Variants in CLCN4 observed in about 807,000 individuals in gnomAD.
CLCN4 encodes Cl-/H+ antiporter 4, also known as H(+)/Cl(-) exchange transporter 4.
Under a neutral mutation model 41.7 loss-of-function variants are expected in CLCN4, and 1 was observed. The ratio of observed to expected loss-of-function variants is 0.02; its 90% CI spans 0.01 to 0.11. The LOEUF is 0.11. Among genes scored for constraint, CLCN4 ranks in the 10% least tolerant of loss-of-function variants. The pLI is 1.00. For synonymous variants in CLCN4, 277 were observed against 285.8 expected, an observed-to-expected ratio of 0.97 and a Z score of 0.31; for missense variants, 287 against 661.0, an observed-to-expected ratio of 0.43 and a Z score of 6.20.
chrX:10,199,749 TTTTC>T (rs1924189411), intron 6 of CLCN4, among the ~76,000 whole-genome samples: 3 of 111,723 alleles, frequency 2.7e-5, no homozygotes, highest in Non-Finnish European at 3.8e-5. Context: ...TTCCTTTTCT[TTTTC>T]TTTCTTTCTT....
intron 11 of CLCN4, among the ~76,000 whole-genome samples, chrX:10,216,918 T>TATATATATATATAC (rs773265490): frequency 1.3e-4 from 5 of 38,927 alleles, no homozygotes; most frequent in African/African-American, 4.4e-4. Context: ...TATATATATA[T>TATATATATATATAC]ACACACACAC....
chrX:10,195,111 G>T lies in CLCN4; in HGVS notation c.432+13G>T. ...GAATCAGTCAGAGGTGGGTATTTGGGCAGGGTCCTGGCTGGGGACCCCTGC... is the reference window on the plus strand; with the variant it reads ...GAATCAGTCAGAGGTGGGTATTTGGTCAGGGTCCTGGCTGGGGACCCCTGC... On this transcript the variant is annotated intron_variant, in intron 5 of 12. Coordinates refer to ENST00000380833, the MANE Select transcript of CLCN4 (RefSeq NM_001830.4). 1 of 1,206,920 alleles carries T rather than the reference G, an allele frequency of 8.3e-7. No individual in the cohort carries two copies.
chrX:10,233,179 G>C (rs943574066), intron 12 of CLCN4, among the ~76,000 whole-genome samples: 28 of 112,128 alleles, frequency 2.5e-4, no homozygotes, highest in African/African-American at 7.5e-4. Context: ...ATTGCAGGTG[G>C]GCTCTGGACC....
chrX:10,236,667 T>C lies in CLCN4; in HGVS notation c.*3083T>C, dbSNP rs997204589. On this transcript the variant is annotated 3_prime_UTR_variant, in exon 13 of 13. Transcript: ENST00000380833. ...CAGAACTTCCATCCACTTTATCTGG[T>C]GATCTGATGAACAGCATGGGGACGT... 9.0e-6 allele frequency: 1 copy of C among 111,454 alleles called. No individual in the cohort carries two copies. Among genetic ancestry groups the C allele is most frequent in the Admixed American group, 9.5e-5 (1 of 10,489 alleles). The allele number at this position is 111,454 out of a possible 1,213,427, so 9.2% of individuals were successfully genotyped here.
chrX:10,194,063 A>G (rs895007544), intron 4 of CLCN4, among the ~76,000 whole-genome samples: 1 of 109,764 alleles, frequency 9.1e-6, no homozygotes, highest in African/African-American at 3.3e-5. Context: ...CCATGGAGGA[A>G]GGAGATGTAG....
In CLCN4 at chrX:10,203,996, T is replaced by G. The variant is rs765288590; in HGVS notation, c.556-2362T>G. On this transcript the variant is annotated intron_variant, in intron 6 of 12. Transcript: ENST00000380833. ...ACTGATTCACTTGGTGTCTAATTAA[T>G]CTGTGATTACAGGCTTGTAAGTTGC... Among the ~76,000 whole-genome samples the G allele has an allele frequency of 7.1e-5, 8 of 112,196 alleles. No homozygotes were observed. The South Asian group carries it at 3.0e-3, about 42-fold the overall frequency.
intron 12 of CLCN4, among the ~76,000 whole-genome samples, chrX:10,229,252 G>C (rs1465403471): frequency 9.0e-6 from 1 of 110,941 alleles, no homozygotes; most frequent in Non-Finnish European, 1.9e-5. Flanking sequence ...CTGCTTTCTT[G>C]AAATTAATTA....
At chrX:10,177,486 T>C (rs1437547432) in intron 2 of CLCN4, among the ~76,000 whole-genome samples, 2 of 111,711 alleles carry the variant, frequency 1.8e-5, no homozygotes, top group Admixed American at 9.5e-5. Context: ...CAGTAATCTA[T>C]AGTGTGAGGG....
intron 2 of CLCN4, among the ~76,000 whole-genome samples, chrX:10,166,039 A>G (rs181257773): frequency 8.9e-6 from 1 of 112,175 alleles, no homozygotes; most frequent in African/African-American, 3.2e-5. Flanking sequence ...GATAAGCAGA[A>G]AATAGGTTGT....
At chrX:10,163,375 T>TTTG (rs1555971331) in intron 2 of CLCN4, among the ~76,000 whole-genome samples, 4 of 110,372 alleles carry the variant, frequency 3.6e-5, no homozygotes, top group Non-Finnish European at 7.6e-5. Flanking sequence ...TTTTTTTTTT[T>TTTG]TGTGATAAGT....
chrX:10,225,547 G>A (rs983497975), intron 12 of CLCN4, among the ~76,000 whole-genome samples: 34 of 111,882 alleles, frequency 3.0e-4, no homozygotes, highest in African/African-American at 1.1e-3. Flanking sequence ...TAGGTTGTCC[G>A]TTCACTCTGA....
intron 2 of CLCN4, among the ~76,000 whole-genome samples, chrX:10,165,392 G>T (rs1923222449): frequency 8.9e-6 from 1 of 112,800 alleles, no homozygotes; most frequent in Non-Finnish European, 1.9e-5. Flanking sequence ...CATGGGAACA[G>T]CAGGGTCATG....
intron 10 of CLCN4, among the ~76,000 whole-genome samples, chrX:10,213,010 C>T (rs1924606233): frequency 9.0e-6 from 1 of 111,408 alleles, no homozygotes; most frequent in Non-Finnish European, 1.9e-5. Context: ...AGAACACTTA[C>T]ATTTGCCTAC....
chrX:10,179,858 G>A (rs1470463390), intron 2 of CLCN4, among the ~76,000 whole-genome samples: 2 of 111,892 alleles, frequency 1.8e-5, no homozygotes, highest in East Asian at 5.6e-4. Context: ...CTTCATAGAT[G>A]GGGGAGACTG....
At chrX:10,232,321 C>G (rs1925146271) in intron 12 of CLCN4, among the ~76,000 whole-genome samples, 1 of 112,500 alleles carries the variant, frequency 8.9e-6, no homozygotes, top group South Asian at 3.6e-4. Context: ...TACATCCCTT[C>G]TTCATATTCA....
chrX:10,220,766 G>A lies in CLCN4; in HGVS notation c.2081G>A (p.Arg694Gln), dbSNP rs760042887. 8 of 1,209,701 alleles carry A rather than the reference G, an allele frequency of 6.6e-6. No individual in the cohort carries two copies. The highest frequency in any genetic ancestry group is 3.5e-5 in the South Asian group (2 of 56,818). Residue 694 changes from arginine to glutamine, a missense_variant, in exon 12 of 13, where the codon CGG (arginine) becomes CAG (glutamine). Arg to Gln is a conservative substitution (Grantham distance 43). Around this residue, in one of 6 missense-constraint regions of CLCN4, gnomAD observed 71 missense variants for 104.5 expected, o/e 0.68. Transcript: ENST00000380833. ...PANSPHPLKL[R>Q]RILNLSPFTV... ...AACAGCCCACATCCCCTGAAGCTGC[G>A]GCGCATCCTGAACCTCAGCCCGTTT...
chrX:10,219,063 T>A (rs2147186836), intron 11 of CLCN4, among the ~76,000 whole-genome samples: 1 of 112,761 alleles, frequency 8.9e-6, no homozygotes, highest in African/African-American at 3.2e-5. Flanking sequence ...TGAGCAAGAG[T>A]TCATTGAGCT....
chrX:10,167,529 A>G (rs909052575), intron 2 of CLCN4, among the ~76,000 whole-genome samples: 1 of 112,054 alleles, frequency 8.9e-6, no homozygotes, highest in Non-Finnish European at 1.9e-5. Context: ...TGTGTCACCA[A>G]TAGGATACCG....
At chrX:10,162,998 A>G (rs1475730533) in intron 2 of CLCN4, among the ~76,000 whole-genome samples, 1 of 113,439 alleles carries the variant, frequency 8.8e-6, no homozygotes, top group African/African-American at 3.2e-5. Context: ...AATGTTCATA[A>G]TAAAAAATTA....
Sources: allele counts gnomAD v4.1 joint callset (sites outside exome capture counted in the v4.1 genomes callset), GRCh38; gene constraint gnomAD v4.1.1; regional missense constraint gnomAD v4.1.1; transcripts MANE v1.5; gene names NCBI Gene and HGNC (gene_info 2026-07-23, HGNC 2026-07-21).